Variants in PRR16 observed in about 807,000 individuals in gnomAD.
PRR16 encodes protein Largen.
Under a neutral mutation model 18.2 loss-of-function variants are expected in PRR16, and 6 were observed. The ratio of observed to expected loss-of-function variants is 0.33; its 90% CI spans 0.18 to 0.65. The LOEUF (loss-of-function observed/expected upper bound fraction) is 0.65. Among genes scored for constraint, PRR16 ranks in the 30% least tolerant of loss-of-function variants. The probability of loss-of-function intolerance (pLI) is 0.74; values close to 1 mark genes in which losing one functional copy is unlikely to be tolerated. For synonymous variants in PRR16, 151 were observed against 147.8 expected, an observed-to-expected ratio of 1.02 and a Z score of -0.16; for missense variants, 412 against 376.6, an observed-to-expected ratio of 1.09 and a Z score of -0.78.
chr5:120,632,227 T>C (rs1247374283), intron 1 of PRR16, among the ~76,000 whole-genome samples: 1 of 152,126 alleles, frequency 6.6e-6, no homozygotes, highest in Non-Finnish European at 1.5e-5. Flanking sequence ...AACAAAAGAA[T>C]CTGAACAGCA....
At chr5:120,467,288 A>G (rs1313018229) in intron 1 of PRR16, among the ~76,000 whole-genome samples, 2 of 152,306 alleles carry the variant, frequency 1.3e-5, no homozygotes, top group East Asian at 1.9e-4. Context: ...CTTTTAGACC[A>G]TAATATATTT....
At position 120,686,064 on chromosome 5, in the gene PRR16, C is replaced by T; in HGVS notation, c.270C>T (p.Ser90=). The T allele has an allele frequency of 6.2e-7, 1 of 1,614,122 alleles. No homozygotes were observed. The highest frequency in any genetic ancestry group is 8.5e-7 in the Non-Finnish European group (1 of 1,180,006). ...GTAGCTCAAGTGGCACAACAGCCTCCAGCCTAGAGAAGATCAAAGTGCAGG... is the reference window on the plus strand; with the variant it reads ...GTAGCTCAAGTGGCACAACAGCCTCTAGCCTAGAGAAGATCAAAGTGCAGG... ...LNSSSSGTTA[S]SLEKIKVQAN... is the part of the protein sequence containing the mutation. The change falls in exon 2 of 2, where the codon TCC becomes TCT. Residue 90 remains serine, a synonymous_variant. Transcript: ENST00000407149.
At chr5:120,598,404 G>T (rs1339399688) in intron 1 of PRR16, among the ~76,000 whole-genome samples, 6 of 151,816 alleles carry the variant, frequency 4.0e-5, no homozygotes, top group Non-Finnish European at 8.8e-5. Flanking sequence ...TATGCAAAAG[G>T]ATGTGAATGT....
intron 1 of PRR16, among the ~76,000 whole-genome samples, chr5:120,498,956 C>G (rs1750352478): frequency 6.9e-6 from 1 of 145,774 alleles, no homozygotes; most frequent in Non-Finnish European, 1.5e-5. Flanking sequence ...AAGATTATTT[C>G]TCTTTGTCTT....
the PRR16 span, among the ~76,000 whole-genome samples, chr5:120,776,121 A>T: frequency 6.6e-6 from 1 of 152,018 alleles, no homozygotes; most frequent in African/African-American, 2.4e-5. Flanking sequence ...ACTGGAGTCT[A>T]GGGGCTAACT....
intron 1 of PRR16, among the ~76,000 whole-genome samples, chr5:120,548,211 A>G (rs1237355721): frequency 6.6e-6 from 1 of 152,102 alleles, no homozygotes; most frequent in Non-Finnish European, 1.5e-5. Flanking sequence ...AACTGTACCT[A>G]CTTCTCAGTA....
At chr5:120,575,401 C>G (rs1016800568) in intron 1 of PRR16, among the ~76,000 whole-genome samples, 1 of 148,660 alleles carries the variant, frequency 6.7e-6, no homozygotes, top group African/African-American at 2.5e-5. Context: ...GAAAAAAATC[C>G]TCAACAAAAT....
chr5:120,621,615 A>C (rs1374369374), intron 1 of PRR16, among the ~76,000 whole-genome samples: 1 of 151,982 alleles, frequency 6.6e-6, no homozygotes, highest in Admixed American at 6.6e-5. Context: ...GGTGGGGGTA[A>C]ATGGATTATG....
chr5:120,546,822 G>C (rs893585422), intron 1 of PRR16, among the ~76,000 whole-genome samples: 1 of 151,946 alleles, frequency 6.6e-6, no homozygotes, highest in African/African-American at 2.4e-5. Context: ...TGGCCCACTG[G>C]TAAAAGAAAG....
chr5:120,717,218 T>G, the PRR16 span, among the ~76,000 whole-genome samples: 1 of 152,224 alleles, frequency 6.6e-6, no homozygotes, highest in East Asian at 1.9e-4. Flanking sequence ...CTTTAAGGTT[T>G]AACTATTTAC....
chr5:120,555,235 C>G (rs1434015251), intron 1 of PRR16, among the ~76,000 whole-genome samples: 1 of 151,866 alleles, frequency 6.6e-6, no homozygotes, highest in African/African-American at 2.4e-5. Context: ...CTAACAAGCT[C>G]TTTCATCCCA....
At chr5:120,773,662 A>C in the PRR16 span, among the ~76,000 whole-genome samples, 4 of 152,100 alleles carry the variant, frequency 2.6e-5, no homozygotes, top group Non-Finnish European at 5.9e-5. Context: ...AAAGATGGCT[A>C]TCTCTCTGCC....
At chr5:120,614,622 A>G (rs559544231) in intron 1 of PRR16, among the ~76,000 whole-genome samples, 104 of 152,336 alleles carry the variant, frequency 6.8e-4, no homozygotes, top group African/African-American at 2.3e-3. Context: ...TATACATGAG[A>G]GGAACAAAAG....
chr5:120,522,209 A>G (rs1751206360), intron 1 of PRR16, among the ~76,000 whole-genome samples: 1 of 152,194 alleles, frequency 6.6e-6, no homozygotes, highest in African/African-American at 2.4e-5. Flanking sequence ...GCTGAGTCAA[A>G]TGGTATTTCT....
rs186226468 is a variant in PRR16 at position 120,620,759 on chromosome 5, C to T, written c.160-65195C>T. Among the ~76,000 whole-genome samples, 280 of 152,172 alleles carry T rather than the reference C, an allele frequency of 1.8e-3. 2 individuals are homozygous for T. Among genetic ancestry groups the T allele is most frequent in the Middle Eastern group, 3.4e-3 (1 of 294 alleles). On this transcript the variant is annotated intron_variant, in intron 1 of 1. Transcript: ENST00000407149. ...CTTGTCTCTCCCTAGTTTACTCCCC[C>T]TCCACCTGTTTCTCTCTTTGCTCCC... is the stretch of plus-strand genomic sequence containing the variant.
At chr5:120,635,491 C>T (rs1755196809) in intron 1 of PRR16, among the ~76,000 whole-genome samples, 2 of 152,010 alleles carry the variant, frequency 1.3e-5, no homozygotes, top group Admixed American at 1.3e-4. Context: ...TGTGATACAC[C>T]ACATAAACAG....
chr5:120,770,448 A>G, the PRR16 span, among the ~76,000 whole-genome samples: 1 of 152,024 alleles, frequency 6.6e-6, no homozygotes, highest in Non-Finnish European at 1.5e-5. Flanking sequence ...ACATAAACAT[A>G]AGGTCTGAAA....
chr5:120,757,990 T>C, the PRR16 span, among the ~76,000 whole-genome samples: 2 of 150,450 alleles, frequency 1.3e-5, no homozygotes, highest in African/African-American at 4.9e-5. Flanking sequence ...AAATTTAGAA[T>C]GTAAAACTAT....
In PRR16 at chr5:120,660,324, T is replaced by A. The variant is rs1756133016; in HGVS notation, c.160-25630T>A. Reference sequence around the variant, plus strand: ...ACATATTTTATAATTCTAAATTTTGTCATTGACAGACATCACTTTAAAGGA... The same window carrying A: ...ACATATTTTATAATTCTAAATTTTGACATTGACAGACATCACTTTAAAGGA... On this transcript the variant is annotated intron_variant, in intron 1 of 1. Coordinates refer to ENST00000407149, the MANE Select transcript of PRR16 (RefSeq NM_001300783.2). Among the ~76,000 whole-genome samples the A allele has an allele frequency of 2.0e-5, 3 of 152,216 alleles. No individual in the cohort carries two copies. In the South Asian group the frequency reaches 6.2e-4, roughly 32 times the overall value.
Sources: allele counts gnomAD v4.1 joint callset (sites outside exome capture counted in the v4.1 genomes callset), GRCh38; gene constraint gnomAD v4.1.1; transcripts MANE v1.5; gene names NCBI Gene and HGNC (gene_info 2026-07-23, HGNC 2026-07-21).